Variants in LNX1 observed in about 807,000 individuals in gnomAD.
The protein encoded by LNX1 is E3 ubiquitin-protein ligase LNX.
Under a neutral mutation model 68.4 loss-of-function variants are expected in LNX1, and 54 were observed. The observed-to-expected ratio is 0.79, with a 90% CI of 0.63 to 0.99. LNX1 has a LOEUF of 0.99. LNX1 is among the 50% of genes least tolerant of loss of function. The pLI is 0.00. For synonymous variants in LNX1, 336 were observed against 350.0 expected (o/e 0.96, Z 0.45); for missense variants, 906 against 926.4 (o/e 0.98, Z 0.29).
intron 1 of LNX1, among the ~76,000 whole-genome samples, chr4:53,586,307 C>T (rs527342524): frequency 4.6e-5 from 7 of 152,136 alleles, no homozygotes; most frequent in African/African-American, 1.2e-4. Flanking sequence ...GAAAAGGCCA[C>T]GTGACTGTCA....
chr4:53,586,307 C>A (rs527342524), intron 1 of LNX1, among the ~76,000 whole-genome samples: 215 of 152,252 alleles, frequency 1.4e-3, no homozygotes, highest in African/African-American at 4.9e-3. Flanking sequence ...GAAAAGGCCA[C>A]GTGACTGTCA....
intron 6 of LNX1, among the ~76,000 whole-genome samples, chr4:53,488,478 T>C (rs529794100): frequency 6.6e-6 from 1 of 152,334 alleles, no homozygotes; most frequent in South Asian, 2.1e-4. Context: ...TGTAATAAAG[T>C]TGTGTGTGTG....
upstream of LNX1, among the ~76,000 whole-genome samples, chr4:53,592,788 G>T (rs548011279): frequency 1.3e-5 from 2 of 152,278 alleles, no homozygotes; most frequent in South Asian, 2.1e-4. Context: ...GGAAGAAAAG[G>T]AAGTCCGGAT....
At chr4:53,571,749 C>G (rs867874736) in intron 2 of LNX1, among the ~76,000 whole-genome samples, 1 of 152,180 alleles carries the variant, frequency 6.6e-6, no homozygotes, top group Non-Finnish European at 1.5e-5. Context: ...TCACCCTCAA[C>G]TCCCAGGCTC....
In LNX1 at chr4:53,477,922, T is replaced by A. The variant is rs7688641; in HGVS notation, c.1663+643A>T. Among the ~76,000 whole-genome samples the A allele has an allele frequency of 5.9e-3, 899 of 152,258 alleles. 9 individuals carry two copies. Among genetic ancestry groups the A allele is most frequent in the African/African-American group, 0.02 (833 of 41,564 alleles). The stretch of plus-strand genomic sequence containing the variant: ...TGTACTTGGGAAACTTCACAGTTTA[T>A]CTCTTGAACCTGGACTTTTAAATGG... On this transcript the variant is annotated intron_variant, in intron 8 of 10. Transcript: ENST00000263925.
chr4:53,633,019 C>T (rs924723328), intron 1 of LNX1, among the ~76,000 whole-genome samples: 65 of 152,188 alleles, frequency 4.3e-4, no homozygotes, highest in African/African-American at 1.4e-3. Flanking sequence ...GTGGGGAGTT[C>T]GGGGTGGAAA....
At chr4:53,592,376 G>A (rs1732549082), upstream of LNX1, among the ~76,000 whole-genome samples, 1 of 152,162 alleles carries the variant, frequency 6.6e-6, no homozygotes, top group African/African-American at 2.4e-5. Flanking sequence ...GAAAGGAGGC[G>A]TAAACTCATC....
chr4:53,619,074 C>T (rs1163175487), upstream of LNX1, among the ~76,000 whole-genome samples: 1 of 152,036 alleles, frequency 6.6e-6, no homozygotes, highest in Non-Finnish European at 1.5e-5. Context: ...ATTTCAAGAG[C>T]TCAAGAGCCA....
At chr4:53,467,146 T>A (rs534290969) in intron 9 of LNX1, among the ~76,000 whole-genome samples, 2 of 152,052 alleles carry the variant, frequency 1.3e-5, no homozygotes, top group East Asian at 3.9e-4. Flanking sequence ...GAGACAAAAC[T>A]TCAGAGGAAT....
intron 9 of LNX1, among the ~76,000 whole-genome samples, chr4:53,472,685 C>CAAAAAAAAAAAAAAAAAA (rs1309297098): frequency 1.3e-5 from 1 of 74,780 alleles, no homozygotes; most frequent in Non-Finnish European, 2.6e-5. Flanking sequence ...ACAACAACAA[C>CAAAAAAAAAAAAAAAAAA]AAAAAAAAAA....
Position 53,508,083 on chromosome 4 carries a change from G to A in LNX1, c.525C>T (p.Asp175=), listed in dbSNP as rs1212997170. 14 of 1,614,152 alleles carry A rather than the reference G, an allele frequency of 8.7e-6. No individual in the cohort carries two copies. Among genetic ancestry groups the A allele is most frequent in the Non-Finnish European group, 1.2e-5 (14 of 1,180,030 alleles). The change falls in exon 3 of 11, where the codon GAC becomes GAT. Residue 175 remains aspartate (D), a synonymous_variant. Coordinates refer to ENST00000263925, the MANE Select transcript of LNX1 (RefSeq NM_001126328.3). ...SAAATISLMT[D]EPGLDNPAYV... The stretch of plus-strand genomic sequence containing the variant: ...AGGCAGGGTTGTCTAGGCCAGGCTC[G>A]TCTGTCATTAAGGAGATGGTGGCAG...
intron 9 of LNX1, among the ~76,000 whole-genome samples, chr4:53,473,483 A>G (rs1723370305): frequency 6.6e-6 from 1 of 152,224 alleles, no homozygotes; most frequent in Non-Finnish European, 1.5e-5. Context: ...AAAGAAGAAC[A>G]AGATCATGTC....
intron 2 of LNX1, among the ~76,000 whole-genome samples, chr4:53,533,247 G>A (rs567857258): frequency 1.3e-5 from 2 of 152,278 alleles, no homozygotes; most frequent in African/African-American, 4.8e-5. Flanking sequence ...AATGAAGAGA[G>A]GTCCAATAGA....
intron 1 of LNX1, among the ~76,000 whole-genome samples, chr4:53,576,992 T>TA (rs1731532819): frequency 6.6e-6 from 1 of 152,208 alleles, no homozygotes; most frequent in Non-Finnish European, 1.5e-5. Flanking sequence ...GCCCTTAATA[T>TA]AAAAACATTT....
intron 2 of LNX1, among the ~76,000 whole-genome samples, chr4:53,563,896 G>A (rs1730455267): frequency 6.6e-6 from 1 of 152,214 alleles, no homozygotes. Context: ...GCGAAGGAAT[G>A]TATATCAGGC....
At chr4:53,570,594 G>A (rs906092260) in intron 2 of LNX1, among the ~76,000 whole-genome samples, 1 of 151,278 alleles carries the variant, frequency 6.6e-6, no homozygotes, top group African/African-American at 2.4e-5. Flanking sequence ...CAGCACACCA[G>A]CATGGCACAT....
chr4:53,460,300 T>TTCTC lies in LNX1; in HGVS notation c.*603_*606dup, dbSNP rs1721672577. ...AAAAACAAAACAAGTTTATAATTAATTCTCTGAGCGAGCATTTTTAGGGAT... is the reference window on the plus strand; with the variant it reads ...AAAAACAAAACAAGTTTATAATTAATTCTCTCTCTGAGCGAGCATTTTTAGGGAT... On this transcript the variant is annotated 3_prime_UTR_variant, in exon 11 of 11. Transcript: ENST00000263925. 1 of 189,662 alleles carries TTCTC rather than the reference T, an allele frequency of 5.3e-6. No individual in the cohort carries two copies. The highest frequency in any genetic ancestry group is 1.1e-5 in the Non-Finnish European group (1 of 90,384). 11.7% of individuals were successfully genotyped at this position (189,662 alleles called of 1,614,324 possible).
chr4:53,577,245 G>A (rs1206482280), intron 1 of LNX1, among the ~76,000 whole-genome samples: 1 of 152,158 alleles, frequency 6.6e-6, no homozygotes, highest in Admixed American at 6.5e-5. Context: ...ATCTATAGGG[G>A]AAAAATGGTT....
rs184055133 is a variant in LNX1 at position 53,645,264 on chromosome 4, C to T, written c.-215+6904G>A. On this transcript the variant is annotated intron_variant, in intron 1 of 2. Coordinates refer to the LNX1 transcript ENST00000507168. ...GGAGGCTGGAGCCATGACAGAGCTC[C>T]CCAGGAACATTCTAGAAGACAGGCT... Among the ~76,000 whole-genome samples, 642 of 152,252 alleles carry T rather than the reference C, an allele frequency of 4.2e-3. 6 individuals carry two copies. The highest frequency in any genetic ancestry group is 0.015 in the African/African-American group (613 of 41,558).
Sources: gnomAD v4.1 joint callset for allele counts (sites outside exome capture counted in the v4.1 genomes callset) on GRCh38, gnomAD v4.1.1 for gene constraint, MANE v1.5 for transcripts, NCBI Gene and HGNC (gene_info 2026-07-23, HGNC 2026-07-21) for gene names.